Variants in STIM2 observed in about 807,000 individuals in gnomAD.
STIM2 encodes the protein stromal interaction molecule 2.
In STIM2, 31 loss-of-function variants were observed where a neutral mutation model predicts 85.8. The ratio of observed to expected loss-of-function variants is 0.36; its 90% CI spans 0.27 to 0.49. The LOEUF is 0.49. Among genes scored for constraint, STIM2 ranks in the 20% least tolerant of loss-of-function variants. STIM2 has a pLI of 0.98. For synonymous variants in STIM2, 356 were observed against 331.1 expected (o/e 1.08, Z -0.82); for missense variants, 841 against 927.6 (o/e 0.91, Z 1.21).
In STIM2 at chr4:26,885,840, T is replaced by C. The variant is rs564766415; in HGVS notation, c.151+24471T>C. On this transcript the variant is annotated intron_variant, in intron 1 of 11. Coordinates refer to ENST00000467087, the MANE Select transcript of STIM2 (RefSeq NM_020860.4). ...CTCAGGTTATATATATATATATATA[T>C]ATATATATATATATATATATATATA... 1.9e-3 allele frequency among the ~76,000 whole-genome samples: 63 copies of C among 33,086 alleles called. 1 individual carries two copies. Among genetic ancestry groups the C allele is most frequent in the African/African-American group, 8.3e-3 (56 of 6,752 alleles). 21.7% of individuals were successfully genotyped at this position (33,086 alleles called of 152,430 possible).
intron 2 of STIM2, among the ~76,000 whole-genome samples, chr4:26,955,102 A>G (rs1215846584): frequency 6.8e-6 from 1 of 146,414 alleles, no homozygotes; most frequent in Non-Finnish European, 1.5e-5. Flanking sequence ...AATTCTTAGG[A>G]GTTCTTTTAT....
chr4:26,873,960 T>A lies in STIM2; in HGVS notation c.151+12591T>A. On this transcript the variant is annotated intron_variant, in intron 1 of 11. Coordinates refer to ENST00000467087, the MANE Select transcript of STIM2 (RefSeq NM_020860.4). The stretch of plus-strand genomic sequence containing the variant: ...GTGCTCTTCTGGCTCAGGCTGTGAG[T>A]CAGGGATCCACTGCTCTTCTGTGCC... The A allele has an allele frequency of 6.7e-6, 8 of 1,195,326 alleles. No homozygotes were observed. The South Asian group carries it at 1.0e-4, about 15-fold the overall frequency. The allele number at this position is 1,195,326 out of a possible 1,614,324, so 74.0% of individuals were successfully genotyped here.
intron 1 of STIM2, among the ~76,000 whole-genome samples, chr4:26,873,190 A>G (rs897082426): frequency 1.6e-4 from 24 of 152,166 alleles, no homozygotes; most frequent in Admixed American, 9.2e-4. Context: ...ACCTGAGGTC[A>G]GGAGTTGAAG....
intron 1 of STIM2, among the ~76,000 whole-genome samples, chr4:26,877,141 A>G (rs1722840851): frequency 6.6e-6 from 1 of 152,130 alleles, no homozygotes; most frequent in African/African-American, 2.4e-5. Context: ...AGTATATGTT[A>G]GACTGTTTGA....
chr4:27,010,105 C>G (rs1298321454), intron 10 of STIM2, among the ~76,000 whole-genome samples: 2 of 152,088 alleles, frequency 1.3e-5, no homozygotes, highest in African/African-American at 4.8e-5. Flanking sequence ...CAAATTTAAA[C>G]TTTTAAATCA....
At chr4:27,020,888 C>A in intron 11 of STIM2, 1 of 915,968 alleles carries the variant, frequency 1.1e-6, no homozygotes, top group Non-Finnish European at 1.7e-6. Context: ...TGTGCTCTTG[C>A]CTTTCTGTTC....
intron 2 of STIM2, among the ~76,000 whole-genome samples, chr4:26,933,779 A>G (rs1486556864): frequency 1.3e-5 from 2 of 151,264 alleles, no homozygotes. Flanking sequence ...GTTTTTGAGT[A>G]TGTGCTTCCT....
chr4:26,902,019 C>T (rs1199738480), intron 1 of STIM2, among the ~76,000 whole-genome samples: 2 of 152,098 alleles, frequency 1.3e-5, no homozygotes, highest in Non-Finnish European at 2.9e-5. Context: ...TCACAGTGTG[C>T]CTGTATTTCA....
At chr4:26,961,301 T>G (rs1054366861) in intron 3 of STIM2, among the ~76,000 whole-genome samples, 1 of 152,148 alleles carries the variant, frequency 6.6e-6, no homozygotes, top group African/African-American at 2.4e-5. Flanking sequence ...GCTTGCTGTA[T>G]TGGCAGTTAG....
At chr4:26,894,052 C>A (rs2109046903) in intron 1 of STIM2, among the ~76,000 whole-genome samples, 1 of 152,232 alleles carries the variant, frequency 6.6e-6, no homozygotes, top group East Asian at 1.9e-4. Context: ...CTGCGCCAGG[C>A]TAATTTTTAT....
At position 26,923,593 on chromosome 4, in the gene STIM2, C is replaced by T. The variant is rs545442167; in HGVS notation, c.282+3959C>T. 5.5e-4 allele frequency among the ~76,000 whole-genome samples: 71 copies of T among 128,284 alleles called. No homozygotes were observed. The Middle Eastern group carries it at 0.011, about 19-fold the overall frequency. The allele number at this position is 128,284 out of a possible 152,430, so 84.2% of individuals were successfully genotyped here. ...AATCATGCCAAAATGTAAAGACCAT[C>T]GAGACTAGGAAGAAACTGCATCAAC... On this transcript the variant is annotated intron_variant, in intron 2 of 11. Transcript: ENST00000467087.
At chr4:27,010,993 A>T (rs1728536872) in intron 10 of STIM2, among the ~76,000 whole-genome samples, 1 of 152,190 alleles carries the variant, frequency 6.6e-6, no homozygotes, top group Non-Finnish European at 1.5e-5. Context: ...ATCCACACAC[A>T]CTTAAAGTGA....
chr4:26,998,396 C>T (rs1448205913), intron 4 of STIM2, among the ~76,000 whole-genome samples: 1 of 152,038 alleles, frequency 6.6e-6, no homozygotes, highest in Non-Finnish European at 1.5e-5. Context: ...TTTTATTTCC[C>T]ACTTGTGACT....
intron 3 of STIM2, among the ~76,000 whole-genome samples, chr4:26,982,158 G>T (rs1031230342): frequency 1.3e-5 from 2 of 152,138 alleles, no homozygotes; most frequent in Non-Finnish European, 2.9e-5. Context: ...ATAAGGAAGA[G>T]AATTAAACAG....
chr4:27,004,583 C>T (rs1438702715), intron 7 of STIM2, among the ~76,000 whole-genome samples: 3 of 152,138 alleles, frequency 2.0e-5, no homozygotes, highest in African/African-American at 7.2e-5. Context: ...TAGTACTTCA[C>T]AGGTGCCTGC....
chr4:26,932,252 A>T (rs918297836), intron 2 of STIM2, among the ~76,000 whole-genome samples: 1 of 152,230 alleles, frequency 6.6e-6, no homozygotes, highest in African/African-American at 2.4e-5. Context: ...CTCTGTGTTA[A>T]TGTAGATTAT....
chr4:26,861,541 C>A, intron 1 of STIM2, 172 bp downstream of exon 1: 1 of 1,031,798 alleles, frequency 9.7e-7, no homozygotes, highest in Non-Finnish European at 1.2e-6. Flanking sequence ...GGACGTCTTT[C>A]CTTTTCACCC....
At chr4:26,906,440 G>GTTTTT (rs1211425958) in intron 1 of STIM2, among the ~76,000 whole-genome samples, 6 of 116,124 alleles carry the variant, frequency 5.2e-5, no homozygotes, top group Non-Finnish European at 9.1e-5. Flanking sequence ...AAGTTTGTTT[G>GTTTTT]TTTTTTTTTT....
chr4:26,974,468 A>G (rs547016844), intron 3 of STIM2, among the ~76,000 whole-genome samples: 1 of 152,314 alleles, frequency 6.6e-6, no homozygotes, highest in Non-Finnish European at 1.5e-5. Flanking sequence ...GCTTGTCTGT[A>G]AAGGATTTTA....
Sources: gnomAD v4.1 joint callset for allele counts (sites outside exome capture counted in the v4.1 genomes callset) on GRCh38, gnomAD v4.1.1 for gene constraint, MANE v1.5 for transcripts, NCBI Gene and HGNC (gene_info 2026-07-23, HGNC 2026-07-21) for gene names.